Variants in CLVS1 observed in about 807,000 individuals in gnomAD.
CLVS1 encodes the protein clavesin-1.
CLVS1 carries 10 observed loss-of-function variants against 33.1 expected under a neutral mutation model. That is an observed-to-expected ratio of 0.30 (90% CI 0.19 to 0.51). The LOEUF is 0.51. CLVS1 is among the 20% of genes least tolerant of loss of function. The pLI, the probability that CLVS1 is intolerant of heterozygous loss-of-function variation, is 0.97. For missense variants in CLVS1, 343 were observed against 433.4 expected (o/e 0.79, Z 1.85); for synonymous variants, 163 against 166.1 (o/e 0.98, Z 0.14).
chr8:61,288,007 G>GCT lies in CLVS1; in HGVS notation c.-279_-278dup. On this transcript the variant is annotated 5_prime_UTR_variant, in exon 1 of 6. Coordinates refer to ENST00000325897, the MANE Select transcript of CLVS1 (RefSeq NM_173519.3). ...AATCACAGCCCCTTGTGGAGCCCGA[G>GCT]CTCTCATTCACAGCTTTCTAGAGAA... The GCT allele has an allele frequency of 2.4e-6, 1 of 423,300 alleles. No homozygotes were observed. The highest frequency in any genetic ancestry group is 7.0e-5 in the East Asian group (1 of 14,202). 26.2% of individuals were successfully genotyped at this position (423,300 alleles called of 1,614,324 possible).
At chr8:61,274,700 G>A (rs534514882) in intron 2 of CLVS1, among the ~76,000 whole-genome samples, 33 of 152,232 alleles carry the variant, frequency 2.2e-4, no homozygotes, top group African/African-American at 7.7e-4. Context: ...GCACACAATC[G>A]CTGGCTATTT....
intron 5 of CLVS1, among the ~76,000 whole-genome samples, chr8:61,460,490 A>G (rs1462999104): frequency 6.6e-6 from 1 of 152,214 alleles, no homozygotes; most frequent in African/African-American, 2.4e-5. Context: ...TTAGAAAACA[A>G]AAAGAAGTCA....
chr8:61,375,091 T>C (rs913185789), intron 2 of CLVS1, among the ~76,000 whole-genome samples: 3 of 152,066 alleles, frequency 2.0e-5, no homozygotes, highest in African/African-American at 7.2e-5. Context: ...ACTACTCAAA[T>C]TGTATTGATT....
In CLVS1 at chr8:61,167,301, TCTC is replaced by T. The variant is rs202246375; in HGVS notation, c.-152+35444_-152+35446del. Among the ~76,000 whole-genome samples, 809 of 152,026 alleles carry T rather than the reference TCTC, an allele frequency of 5.3e-3. 6 individuals are homozygous for T. The highest frequency in any genetic ancestry group is 0.018 in the African/African-American group (762 of 41,448). Reference sequence around the variant, plus strand: ...CCTTCGCCTCCCGAGTTCAAGCCATTCTCCTGCCTCAGCCTCCAGAGTAGGTGC... The same window carrying T: ...CCTTCGCCTCCCGAGTTCAAGCCATTCTGCCTCAGCCTCCAGAGTAGGTGC... On this transcript the variant is annotated intron_variant, in intron 2 of 2. Coordinates refer to the CLVS1 transcript ENST00000522621.
chr8:61,164,132 C>A (rs1425487174), intron 2 of CLVS1, among the ~76,000 whole-genome samples: 4 of 152,160 alleles, frequency 2.6e-5, no homozygotes, highest in Non-Finnish European at 5.9e-5. Flanking sequence ...TTTTAGTGAG[C>A]CCTCTTTACT....
chr8:61,057,654 G>C (rs1244378795), intron 1 of CLVS1, among the ~76,000 whole-genome samples: 1 of 152,044 alleles, frequency 6.6e-6, no homozygotes, highest in Non-Finnish European at 1.5e-5. Context: ...CTTTGCATTT[G>C]TGATACTGCA....
At chr8:61,277,026 C>A (rs914737712) in intron 2 of CLVS1, among the ~76,000 whole-genome samples, 1 of 152,196 alleles carries the variant, frequency 6.6e-6, no homozygotes, top group African/African-American at 2.4e-5. Flanking sequence ...CTGGTAAATT[C>A]TTTATCAATA....
At chr8:61,042,982 G>A in the CLVS1 span, among the ~76,000 whole-genome samples, 1 of 152,198 alleles carries the variant, frequency 6.6e-6, no homozygotes, top group Non-Finnish European at 1.5e-5. Flanking sequence ...CTTGGGAATA[G>A]GTTATGTCCA....
At chr8:61,193,327 A>C (rs994027364) in intron 2 of CLVS1, among the ~76,000 whole-genome samples, 2 of 152,130 alleles carry the variant, frequency 1.3e-5, no homozygotes, top group African/African-American at 2.4e-5. Flanking sequence ...CAATGAGAAC[A>C]CTTGGACACA....
At chr8:61,011,501 T>G in the CLVS1 span, among the ~76,000 whole-genome samples, 1 of 152,190 alleles carries the variant, frequency 6.6e-6, no homozygotes, top group East Asian at 1.9e-4. Context: ...CAGGCTGGAG[T>G]GCAATGGCAT....
chr8:61,184,178 A>C (rs1807295980), intron 2 of CLVS1, among the ~76,000 whole-genome samples: 1 of 152,206 alleles, frequency 6.6e-6, no homozygotes, highest in African/African-American at 2.4e-5. Flanking sequence ...AGTTTGTAGA[A>C]AACAAGAAGA....
intron 2 of CLVS1, among the ~76,000 whole-genome samples, chr8:61,323,293 G>A (rs1053750925): frequency 3.9e-5 from 6 of 152,130 alleles, no homozygotes; most frequent in African/African-American, 1.4e-4. Flanking sequence ...GAAGCTTTGA[G>A]GCCGCTTGAG....
intron 2 of CLVS1, among the ~76,000 whole-genome samples, chr8:61,209,825 C>A (rs966106961): frequency 1.3e-5 from 2 of 152,072 alleles, no homozygotes; most frequent in Non-Finnish European, 2.9e-5. Flanking sequence ...CTTGTACAAT[C>A]TTTTGAGTGT....
the CLVS1 span, among the ~76,000 whole-genome samples, chr8:60,987,024 A>T: frequency 6.6e-6 from 1 of 152,220 alleles, no homozygotes; most frequent in Non-Finnish European, 1.5e-5. Context: ...TTGAGTAGCC[A>T]CTGTGTGCTA....
chr8:61,450,442 G>A (rs1001437225), intron 3 of CLVS1, among the ~76,000 whole-genome samples: 30 of 152,290 alleles, frequency 2.0e-4, no homozygotes, highest in Middle Eastern at 3.4e-3. Flanking sequence ...AGCAGTGTAG[G>A]ATGTGAGTAG....
At chr8:61,193,445 C>A (rs1471067034) in intron 2 of CLVS1, among the ~76,000 whole-genome samples, 1 of 151,922 alleles carries the variant, frequency 6.6e-6, no homozygotes, top group Non-Finnish European at 1.5e-5. Context: ...GTGCAGCACA[C>A]CAACATGGCA....
At chr8:60,994,013 A>G in the CLVS1 span, among the ~76,000 whole-genome samples, 1 of 152,188 alleles carries the variant, frequency 6.6e-6, no homozygotes, top group Non-Finnish European at 1.5e-5. Flanking sequence ...GGGAAGGTGC[A>G]TTAGTCTGCG....
Position 61,213,837 on chromosome 8 carries a change from C to T in CLVS1, c.-152+81977C>T, listed in dbSNP as rs987242577. 2.6e-5 allele frequency among the ~76,000 whole-genome samples: 4 copies of T among 152,256 alleles called. No individual in the cohort carries two copies. In the East Asian group the frequency reaches 7.8e-4, roughly 30 times the overall value. On this transcript the variant is annotated intron_variant, in intron 2 of 2. Transcript: ENST00000522621. Reference sequence around the variant, plus strand: ...AAGAGAGATAACCTTAAACTCTGACCACCGGTGAGCCGGGTGGAACAGAGC... The same window carrying T: ...AAGAGAGATAACCTTAAACTCTGACTACCGGTGAGCCGGGTGGAACAGAGC...
intron 4 of CLVS1, among the ~76,000 whole-genome samples, chr8:61,456,682 C>T (rs887771657): frequency 5.3e-5 from 8 of 151,852 alleles, no homozygotes; most frequent in South Asian, 2.1e-4. Flanking sequence ...TTTGGGAGGC[C>T]GAGGCATGCG....
Sources: allele counts gnomAD v4.1 joint callset (sites outside exome capture counted in the v4.1 genomes callset), GRCh38; gene constraint gnomAD v4.1.1; transcripts MANE v1.5; gene names NCBI Gene and HGNC (gene_info 2026-07-23, HGNC 2026-07-21).